AGO2: variants seen among roughly 807,000 people sequenced by gnomAD.
AGO2 encodes argonaute RISC catalytic component 2.
In AGO2, 5 loss-of-function variants were observed where a neutral mutation model predicts 102.3. That is an observed-to-expected ratio of 0.05 (90% CI 0.03 to 0.10). AGO2 has a LOEUF of 0.10. Ranked by LOEUF, AGO2 falls within the 10% of genes least tolerant of loss-of-function variation. The pLI, the probability that AGO2 is intolerant of heterozygous loss-of-function variation, is 1.00. For synonymous variants in AGO2, 449 were observed against 473.1 expected, an observed-to-expected ratio of 0.95 and a Z score of 0.66; for missense variants, 541 against 1,183.7, an observed-to-expected ratio of 0.46 and a Z score of 7.97.
At chr8:140,606,867 A>T (rs1293639216) in intron 1 of AGO2, among the ~76,000 whole-genome samples, 1 of 151,168 alleles carries the variant, frequency 6.6e-6, no homozygotes, top group Non-Finnish European at 1.5e-5. Context: ...AACCTGGGAG[A>T]CGGAGGTTGT....
intron 13 of AGO2, among the ~76,000 whole-genome samples, chr8:140,546,952 G>A (rs145525731): frequency 1.6e-4 from 25 of 152,320 alleles, no homozygotes; most frequent in African/African-American, 5.3e-4. Flanking sequence ...CGTCCCCGGC[G>A]GTCAGCCCTG....
intron 2 of AGO2, among the ~76,000 whole-genome samples, chr8:140,584,731 A>G (rs2073623492): frequency 6.6e-6 from 1 of 152,162 alleles, no homozygotes; most frequent in Admixed American, 6.5e-5. Context: ...GTGTGTCACT[A>G]TACAGACCTG....
intron 1 of AGO2, among the ~76,000 whole-genome samples, chr8:140,598,873 C>G (rs938621775): frequency 6.6e-6 from 1 of 152,208 alleles, no homozygotes; most frequent in Non-Finnish European, 1.5e-5. Flanking sequence ...TCATGGCTAC[C>G]GTGGGCTCGC....
chr8:140,582,287 T>A (rs894070265), intron 2 of AGO2, among the ~76,000 whole-genome samples: 1 of 152,154 alleles, frequency 6.6e-6, no homozygotes, highest in African/African-American at 2.4e-5. Flanking sequence ...TCCACCCACA[T>A]ATACAGGTTG....
intron 1 of AGO2, among the ~76,000 whole-genome samples, chr8:140,601,282 C>T (rs778614133): frequency 2.0e-5 from 3 of 152,234 alleles, no homozygotes; most frequent in Non-Finnish European, 4.4e-5. Flanking sequence ...TCACCTCCTT[C>T]AGGTCTTTGT....
chr8:140,607,695 A>G (rs922788671), intron 1 of AGO2, among the ~76,000 whole-genome samples: 2 of 151,952 alleles, frequency 1.3e-5, no homozygotes, highest in African/African-American at 4.8e-5. Context: ...AAAAGTCCGC[A>G]TGTATAACCT....
At chr8:140,549,025 C>T (rs955690038) in intron 12 of AGO2, 89 bp downstream of exon 12, 5 of 1,458,830 alleles carry the variant, frequency 3.4e-6, no homozygotes, top group Non-Finnish European at 4.6e-6. Context: ...TTTCTCAGTG[C>T]AGCAGAAACA....
In AGO2 at chr8:140,520,424, A is replaced by C. The variant is rs2132824147; in HGVS notation, c.*11620T>G. 1 of 152,342 alleles carries C rather than the reference A, an allele frequency of 6.6e-6. No individual in the cohort carries two copies. Among genetic ancestry groups the C allele is most frequent in the South Asian group, 2.1e-4 (1 of 4,828 alleles). 9.4% of individuals were successfully genotyped at this position (152,342 alleles called of 1,614,324 possible). A position where few individuals can be genotyped will look rare whatever the true frequency, so the allele number is the denominator to read the frequency against. On this transcript the variant is annotated 3_prime_UTR_variant, in exon 19 of 19. Coordinates refer to ENST00000220592, the MANE Select transcript of AGO2 (RefSeq NM_012154.5). Reference sequence around the variant, plus strand: ...TTGCAAAAATAGTGCAAACTACTTCACCTAGTAAGCTGTAAAAACAAACTA... The same window carrying C: ...TTGCAAAAATAGTGCAAACTACTTCCCCTAGTAAGCTGTAAAAACAAACTA...
At chr8:140,546,636 C>T (rs1465540555) in intron 13 of AGO2, among the ~76,000 whole-genome samples, 1 of 152,268 alleles carries the variant, frequency 6.6e-6, no homozygotes, top group Non-Finnish European at 1.5e-5. Flanking sequence ...CTGAGCCCCA[C>T]TGTGACTGGG....
chr8:140,585,066 G>T lies in AGO2; in HGVS notation c.215+53C>A, dbSNP rs185081793. 4.0e-6 allele frequency: 6 copies of T among 1,508,660 alleles called. 1 individual carries two copies. The highest frequency in any genetic ancestry group is 3.8e-5 in the South Asian group (3 of 78,080). 93.5% of individuals were successfully genotyped at this position (1,508,660 alleles called of 1,614,324 possible). On this transcript the variant is annotated intron_variant, in intron 2 of 18. Transcript: ENST00000220592. The stretch of plus-strand genomic sequence containing the variant: ...TTCAGAGTTGATTAGTTTAAATGCC[G>T]TGTCTGTCCGCGCAGACCACTTACA...
chr8:140,532,472 G>A lies in AGO2; in HGVS notation c.2415C>T (p.Tyr805=), dbSNP rs768914478. 2.2e-5 allele frequency: 35 copies of A among 1,614,138 alleles called. No homozygotes were observed. The highest frequency in any genetic ancestry group is 3.3e-5 in the South Asian group (3 of 91,094). The change falls in exon 18 of 19, where the codon TAC becomes TAT. Residue 805 remains tyrosine (Y), a synonymous_variant. Coordinates refer to ENST00000220592, the MANE Select transcript of AGO2 (RefSeq NM_012154.5). ...TGGCCCGGAAGGCCACCAGGTGAGC[G>A]TAGTATGCTGGCGCTGGGATGGACA... ...RSVSIPAPAY[Y]AHLVAFRARY... is the part of the protein sequence containing the mutation.
At chr8:140,614,015 CAAAAAAAAAA>C (rs59000809) in intron 1 of AGO2, among the ~76,000 whole-genome samples, 17 of 57,630 alleles carry the variant, frequency 2.9e-4, no homozygotes, top group African/African-American at 1.2e-3. Flanking sequence ...GACCCTGTCT[CAAAAAAAAAA>C]AAAAAAAAAA....
chr8:140,571,257 TC>T (rs2073374244), intron 3 of AGO2, among the ~76,000 whole-genome samples: 1 of 152,194 alleles, frequency 6.6e-6, no homozygotes, highest in Non-Finnish European at 1.5e-5. Context: ...CAGCACGTTC[TC>T]CCTTTGTCAG....
chr8:140,618,252 A>T (rs1353800005), intron 1 of AGO2, among the ~76,000 whole-genome samples: 1 of 151,794 alleles, frequency 6.6e-6, no homozygotes, highest in East Asian at 1.9e-4. Flanking sequence ...CCCAGGTGGC[A>T]GAGGTTGCAG....
intron 2 of AGO2, among the ~76,000 whole-genome samples, chr8:140,577,602 G>C (rs34051681): frequency 2.6e-5 from 4 of 152,094 alleles, no homozygotes; most frequent in Admixed American, 2.6e-4. Context: ...TCTTGAGGAG[G>C]AGCAGCTGGA....
In AGO2 at chr8:140,549,148, C is replaced by T; in HGVS notation, c.1554G>A (p.Val518=). Residue 518 remains valine (V), a synonymous_variant, in exon 12 of 19, where the codon GTG becomes GTA. Transcript: ENST00000220592. ...LKNTYAGLQL[V]VVILPGKTPV... ...GCGTCTTGCCGGGCAGGATGACCAC[C>T]ACCAGCTGCAGGCCCGCATACGTGT... The T allele has an allele frequency of 6.2e-7, 1 of 1,612,040 alleles. No homozygotes were observed. Among genetic ancestry groups the T allele is most frequent in the Non-Finnish European group, 8.5e-7 (1 of 1,179,048 alleles).
chr8:140,554,920 C>T (rs2073069388), intron 10 of AGO2, among the ~76,000 whole-genome samples: 1 of 152,144 alleles, frequency 6.6e-6, no homozygotes, highest in Non-Finnish European at 1.5e-5. Flanking sequence ...AAGCGATCCA[C>T]CCGTCTCAGC....
At position 140,535,380 on chromosome 8, in the gene AGO2, G is replaced by A. The variant is rs367664241; in HGVS notation, c.2271+88C>T. ...GTGGGCCCCTCACACCACATCCCAC[G>A]TGCCAGCCAGAGTGCAAGTGTTTGC... On this transcript the variant is annotated intron_variant, in intron 17 of 18. Coordinates refer to ENST00000220592, the MANE Select transcript of AGO2 (RefSeq NM_012154.5). The A allele has an allele frequency of 3.4e-5, 44 of 1,308,890 alleles. 1 individual carries two copies. The highest frequency in any genetic ancestry group is 3.6e-5 in the Admixed American group (2 of 55,786). 81.1% of individuals were successfully genotyped at this position (1,308,890 alleles called of 1,614,324 possible).
intron 17 of AGO2, among the ~76,000 whole-genome samples, chr8:140,532,939 G>A (rs1005542575): frequency 2.7e-4 from 41 of 151,244 alleles, no homozygotes; most frequent in African/African-American, 7.8e-4. Context: ...TAGAGGTTGC[G>A]GTGAGCCGAG....
Sources: allele counts gnomAD v4.1 joint callset (sites outside exome capture counted in the v4.1 genomes callset), GRCh38; gene constraint gnomAD v4.1.1; transcripts MANE v1.5; gene names NCBI Gene and HGNC (gene_info 2026-07-23, HGNC 2026-07-21).